The following WWOX variants were observed in gnomAD, a reference collection of about 807,000 sequenced individuals.
The protein encoded by WWOX is WW domain containing oxidoreductase, also known as WW domain-containing oxidoreductase.
WWOX carries 69 observed loss-of-function variants against 46.2 expected under a neutral mutation model. That is an observed-to-expected ratio of 1.49 (90% CI 1.23 to 1.82). The LOEUF (loss-of-function observed/expected upper bound fraction) is 1.82, where lower values mean the gene tolerates loss of function less well. Ranked by LOEUF, WWOX falls within the 40% of genes most tolerant of loss-of-function variation. The pLI is 0.00. For synonymous variants in WWOX, 359 were observed against 202.6 expected (o/e 1.77, Z -6.56); for missense variants, 919 against 542.6 (o/e 1.69, Z -6.89).
intron 8 of WWOX, among the ~76,000 whole-genome samples, chr16:79,210,573 C>G (rs1420252862): frequency 6.6e-6 from 1 of 152,176 alleles, no homozygotes; most frequent in Non-Finnish European, 1.5e-5. Context: ...ACCCCTCTCC[C>G]TCTCATCAGC....
In WWOX at chr16:78,500,700, C is replaced by T. The variant is rs192415570; in HGVS notation, c.1056+67948C>T. 7.9e-5 allele frequency among the ~76,000 whole-genome samples: 12 copies of T among 152,224 alleles called. No homozygotes were observed. In the East Asian group the frequency reaches 9.7e-4, roughly 12 times the overall value. Reference sequence around the variant, plus strand: ...CAGTCTTCCAGCTGGACTAGCTTTTCGGGAACACGTGTGTGTTTGTGCTGG... The same window carrying T: ...CAGTCTTCCAGCTGGACTAGCTTTTTGGGAACACGTGTGTGTTTGTGCTGG... On this transcript the variant is annotated intron_variant, in intron 8 of 8. Coordinates refer to ENST00000566780, the MANE Select transcript of WWOX (RefSeq NM_016373.4).
chr16:78,641,890 C>A (rs1276948770), intron 8 of WWOX, among the ~76,000 whole-genome samples: 1 of 152,272 alleles, frequency 6.6e-6, no homozygotes, highest in Non-Finnish European at 1.5e-5. Flanking sequence ...TTTCTGTGCA[C>A]AGGCAGTATT....
At chr16:78,734,072 C>T (rs962736339) in intron 8 of WWOX, among the ~76,000 whole-genome samples, 5 of 149,888 alleles carry the variant, frequency 3.3e-5, no homozygotes, top group Non-Finnish European at 7.4e-5. Context: ...AAAAAAAAAA[C>T]ACAAAAAACT....
At chr16:78,917,422 G>A (rs966804079) in intron 8 of WWOX, among the ~76,000 whole-genome samples, 5 of 151,962 alleles carry the variant, frequency 3.3e-5, no homozygotes, top group African/African-American at 4.8e-5. Flanking sequence ...ACCTGCATTC[G>A]TGTAGGAACT....
intron 5 of WWOX, among the ~76,000 whole-genome samples, chr16:78,165,634 G>C (rs371977043): frequency 6.6e-6 from 1 of 152,236 alleles, no homozygotes; most frequent in East Asian, 1.9e-4. Flanking sequence ...AGGGGGCTGG[G>C]TACACCCTGT....
At chr16:78,780,138 G>A (rs2050287863) in intron 8 of WWOX, among the ~76,000 whole-genome samples, 1 of 152,114 alleles carries the variant, frequency 6.6e-6, no homozygotes, top group Admixed American at 6.5e-5. Flanking sequence ...TACACAACTT[G>A]GGGTAATGCT....
chr16:78,273,722 T>G (rs1212732816), intron 5 of WWOX, among the ~76,000 whole-genome samples: 2 of 152,142 alleles, frequency 1.3e-5, no homozygotes, highest in Admixed American at 6.5e-5. Flanking sequence ...TCAACAAGAT[T>G]TGGCCAACAG....
intron 8 of WWOX, among the ~76,000 whole-genome samples, chr16:79,208,550 C>T (rs1392959882): frequency 6.6e-6 from 1 of 152,126 alleles, no homozygotes; most frequent in Non-Finnish European, 1.5e-5. Context: ...ATGGCTCTTT[C>T]ATCTTTTCTG....
intron 8 of WWOX, chr16:79,015,994 C>G (rs1307493869): frequency 6.6e-6 from 1 of 152,184 alleles, no homozygotes; most frequent in African/African-American, 2.4e-5. Context: ...CGTGATCTGC[C>G]CGCCTCAGCC....
intron 5 of WWOX, among the ~76,000 whole-genome samples, chr16:78,290,410 C>T (rs1176526883): frequency 6.6e-6 from 1 of 151,188 alleles, no homozygotes; most frequent in Non-Finnish European, 1.5e-5. Flanking sequence ...CTTTGTGCTT[C>T]CTCTGAATAG....
chr16:79,112,056 G>A (rs1298865394), intron 8 of WWOX, among the ~76,000 whole-genome samples: 1 of 152,098 alleles, frequency 6.6e-6, no homozygotes, highest in African/African-American at 2.4e-5. Context: ...GTCCAGACTT[G>A]CCTGATCCCC....
Position 78,427,935 on chromosome 16 carries a change from G to C in WWOX, c.791+2880G>C, listed in dbSNP as rs545481260. ...ATACAAAAATTAGCCAGGTGTGGTG[G>C]TGCACGCCTGTAATCCCAGCTATTT... On this transcript the variant is annotated intron_variant, in intron 7 of 8. Coordinates refer to ENST00000566780, the MANE Select transcript of WWOX (RefSeq NM_016373.4). 2.6e-4 allele frequency among the ~76,000 whole-genome samples: 39 copies of C among 152,206 alleles called. 1 individual carries two copies. Among genetic ancestry groups the C allele is most frequent in the African/African-American group, 9.4e-4 (39 of 41,526 alleles).
chr16:78,513,071 G>A (rs927367250), intron 8 of WWOX, among the ~76,000 whole-genome samples: 3 of 152,146 alleles, frequency 2.0e-5, no homozygotes, highest in African/African-American at 7.2e-5. Context: ...AGTAGTAAAC[G>A]TAATGAACAT....
chr16:79,025,178 C>T (rs1035377636), intron 8 of WWOX, among the ~76,000 whole-genome samples: 7 of 152,066 alleles, frequency 4.6e-5, no homozygotes, highest in Admixed American at 6.6e-5. Flanking sequence ...TCCCCTGTGT[C>T]GGACTTGTTT....
At chr16:78,456,480 C>A (rs8062189) in intron 8 of WWOX, among the ~76,000 whole-genome samples, 1 of 152,204 alleles carries the variant, frequency 6.6e-6, no homozygotes, top group South Asian at 2.1e-4. Flanking sequence ...TACTTTGTCT[C>A]TTTTTGGTTT....
At chr16:78,354,064 C>A (rs1334817430) in intron 5 of WWOX, among the ~76,000 whole-genome samples, 1 of 152,158 alleles carries the variant, frequency 6.6e-6, no homozygotes, top group Non-Finnish European at 1.5e-5. Context: ...AGCTTGTTTG[C>A]ACCTTTTAAT....
chr16:78,595,931 A>G (rs575392787), intron 8 of WWOX, among the ~76,000 whole-genome samples: 7 of 152,344 alleles, frequency 4.6e-5, no homozygotes, highest in Admixed American at 3.3e-4. Flanking sequence ...CAATAAAACT[A>G]AAAAGAAACC....
chr16:78,165,061 G>A (rs2034927018), intron 5 of WWOX, among the ~76,000 whole-genome samples: 1 of 152,222 alleles, frequency 6.6e-6, no homozygotes. Flanking sequence ...AGATTTCAAG[G>A]ATCATCAGGG....
At chr16:78,760,218 A>G (rs908996385) in intron 8 of WWOX, among the ~76,000 whole-genome samples, 3 of 152,170 alleles carry the variant, frequency 2.0e-5, no homozygotes, top group Non-Finnish European at 4.4e-5. Flanking sequence ...TTCCCGTTAT[A>G]AAAACATTAG....
Sources: allele counts gnomAD v4.1 joint callset (sites outside exome capture counted in the v4.1 genomes callset), GRCh38; gene constraint gnomAD v4.1.1; transcripts MANE v1.5; gene names NCBI Gene and HGNC (gene_info 2026-07-23, HGNC 2026-07-21).